NCR1: variants seen among roughly 807,000 people sequenced by gnomAD.
NCR1 encodes the protein natural cytotoxicity triggering receptor 1.
In NCR1, 30 loss-of-function variants were observed where a neutral mutation model predicts 32.5. The ratio of observed to expected loss-of-function variants is 0.92; its 90% CI spans 0.69 to 1.25. The LOEUF (loss-of-function observed/expected upper bound fraction) is 1.25. Among genes scored for constraint, NCR1 ranks in the 50% most tolerant of loss-of-function variants. The probability of loss-of-function intolerance (pLI) is 0.00; values close to 1 mark genes in which losing one functional copy is unlikely to be tolerated. For synonymous variants in NCR1, 169 were observed against 143.4 expected (o/e 1.18, Z -1.28); for missense variants, 369 against 380.7 (o/e 0.97, Z 0.26).
the NCR1 span, among the ~76,000 whole-genome samples, chr19:54,937,260 A>G: frequency 1.3e-5 from 2 of 151,972 alleles, no homozygotes; most frequent in Admixed American, 1.3e-4. Context: ...AGGAAAAACA[A>G]CTAAGGGGTA....
chr19:54,936,951 G>A, the NCR1 span, among the ~76,000 whole-genome samples: 6 of 151,596 alleles, frequency 4.0e-5, no homozygotes, highest in Middle Eastern at 3.5e-3. Context: ...GGTGGCTCAC[G>A]CCTGTAATCC....
At chr19:54,930,700 T>A in the NCR1 span, 5 of 1,587,900 alleles carry the variant, frequency 3.1e-6, no homozygotes, top group South Asian at 1.1e-5. Flanking sequence ...AAGCCTGTTA[T>A]CCCTCTGGCT....
intron 5 of NCR1, among the ~76,000 whole-genome samples, chr19:54,911,563 C>T (rs1310414729): frequency 6.6e-6 from 1 of 152,116 alleles, no homozygotes; most frequent in East Asian, 1.9e-4. Flanking sequence ...ACCAGCCTGG[C>T]CAACACAGTG....
At chr19:54,924,095 G>A in the NCR1 span, among the ~76,000 whole-genome samples, 1 of 152,144 alleles carries the variant, frequency 6.6e-6, no homozygotes, top group Admixed American at 6.6e-5. Flanking sequence ...AGGCTCCTGA[G>A]TAACTGTGAT....
the NCR1 span, among the ~76,000 whole-genome samples, chr19:54,921,896 CTTA>C: frequency 7.7e-6 from 1 of 129,276 alleles, no homozygotes; most frequent in Non-Finnish European, 1.7e-5. Flanking sequence ...TATCAATGCT[CTTA>C]TTTTTTTTTT....
rs998544457 is a variant in NCR1, at chr19:54,906,276, G to A, written c.35-23G>A. 6.2e-6 allele frequency: 10 copies of A among 1,614,054 alleles called. No homozygotes were observed. In the African/African-American group the frequency reaches 6.7e-5, roughly 11 times the overall value. ...TCACGGTGTGCCTGGGAGGCAACAG[G>A]TCTCATTACTCCCGTCTTCCAGGGC... On this transcript the variant is annotated intron_variant, in intron 1 of 6. Coordinates refer to ENST00000291890, the MANE Select transcript of NCR1 (RefSeq NM_004829.7).
rs200118432 is a variant in NCR1 at position 54,913,055 on chromosome 19, CT to C, written c.*199del. 0.15 allele frequency: 64,475 copies of C among 423,010 alleles called. 463 individuals are homozygous for C. Among genetic ancestry groups the C allele is most frequent in the Middle Eastern group, 0.25 (384 of 1,546 alleles). The allele number at this position is 423,010 out of a possible 1,614,324, so 26.2% of individuals were successfully genotyped here. On this transcript the variant is annotated 3_prime_UTR_variant, in exon 7 of 7. Transcript: ENST00000291890. ...GGTGGGAGAACTACATGCTAAATTTCTTTTTTTTTTTTTTTGAGACAGAGTT... is the reference window on the plus strand; with the variant it reads ...GGTGGGAGAACTACATGCTAAATTTCTTTTTTTTTTTTTTGAGACAGAGTT...
chr19:54,909,661 C>A, intron 4 of NCR1, 138 bp downstream of exon 4: 1 of 1,049,932 alleles, frequency 9.5e-7, no homozygotes, highest in Non-Finnish European at 1.3e-6. Context: ...TGAGGAAGAA[C>A]ACCAGAAGCA....
At chr19:54,938,049 T>C in the NCR1 span, 1 of 1,613,020 alleles carries the variant, frequency 6.2e-7, no homozygotes, top group Non-Finnish European at 8.5e-7. Context: ...CTTACTCCAC[T>C]TTCTGCAGAT....
chr19:54,924,917 A>G, the NCR1 span, among the ~76,000 whole-genome samples: 2 of 152,188 alleles, frequency 1.3e-5, no homozygotes, highest in South Asian at 4.1e-4. Context: ...AGCCCGGGTG[A>G]CAGAGCGAGA....
At chr19:54,924,590 A>G in the NCR1 span, among the ~76,000 whole-genome samples, 1 of 152,136 alleles carries the variant, frequency 6.6e-6, no homozygotes, top group Admixed American at 6.6e-5. Flanking sequence ...GCCCTACTGC[A>G]CTCCAGCCTG....
At chr19:54,916,921 T>C (rs1446166578), downstream of NCR1, among the ~76,000 whole-genome samples, 1 of 151,760 alleles carries the variant, frequency 6.6e-6, no homozygotes, top group East Asian at 1.9e-4. Context: ...TTCTGACTTC[T>C]CACCTGTGCT....
At chr19:54,915,358 A>G (rs2068111791), downstream of NCR1, among the ~76,000 whole-genome samples, 1 of 152,100 alleles carries the variant, frequency 6.6e-6, no homozygotes, top group Non-Finnish European at 1.5e-5. Flanking sequence ...CAACCCATTT[A>G]TATACTCATC....
chr19:54,929,936 A>C, the NCR1 span, among the ~76,000 whole-genome samples: 1 of 101,096 alleles, frequency 9.9e-6, no homozygotes, highest in Non-Finnish European at 2.2e-5. Flanking sequence ...AACACTGTGA[A>C]ACCCATCTCT....
At chr19:54,927,590 A>C in the NCR1 span, 2 of 1,613,286 alleles carry the variant, frequency 1.2e-6, no homozygotes, top group Non-Finnish European at 1.7e-6. Context: ...ACAAAACAAA[A>C]CAAAAAACCC....
downstream of NCR1, among the ~76,000 whole-genome samples, chr19:54,918,929 A>G (rs1429788158): frequency 2.0e-5 from 3 of 151,510 alleles, no homozygotes; most frequent in Admixed American, 6.6e-5. Context: ...GGTTGCGGTG[A>G]GCCAAGATCA....
intron 5 of NCR1, 98 bp downstream of exon 5, chr19:54,910,163 G>T (rs780016593): frequency 1.8e-4 from 228 of 1,251,290 alleles, no homozygotes; most frequent in Non-Finnish European, 2.6e-4. Context: ...GAGGCCAGGC[G>T]TGGTGGCTCA....
At position 54,909,441 on chromosome 19, in the gene NCR1, C is replaced by G. The variant is rs1418069638; in HGVS notation, c.552C>G (p.His184Gln). The G allele has an allele frequency of 1.2e-6, 2 of 1,613,398 alleles. No individual in the cohort carries two copies. Among genetic ancestry groups the G allele is most frequent in the Non-Finnish European group, 1.7e-6 (2 of 1,180,030 alleles). Residue 184 changes from histidine to glutamine, a missense_variant, in exon 4 of 7, where the codon CAC becomes CAG. Transcript: ENST00000291890. ...EFPLGPVTTA[H>Q]RGTYRCFGSY... ...CCCTGGGCCCTGTGACCACAGCCCACAGAGGGACATACCGATGTTTTGGCT... is the reference window on the plus strand; with the variant it reads ...CCCTGGGCCCTGTGACCACAGCCCAGAGAGGGACATACCGATGTTTTGGCT...
upstream of NCR1, among the ~76,000 whole-genome samples, chr19:54,905,380 G>A (rs184431114): frequency 1.8e-4 from 28 of 151,986 alleles, no homozygotes; most frequent in Non-Finnish European, 2.6e-4. Context: ...TAGGTGCACC[G>A]GCCCCAGTCA....
Sources: allele counts gnomAD v4.1 joint callset (sites outside exome capture counted in the v4.1 genomes callset), GRCh38; gene constraint gnomAD v4.1.1; transcripts MANE v1.5; gene names NCBI Gene and HGNC (gene_info 2026-07-23, HGNC 2026-07-21).